The following GOT1L1 variants were observed in gnomAD, a reference collection of about 807,000 sequenced individuals.
The protein encoded by GOT1L1 is aspartate aminotransferase, cytoplasmic 2.
GOT1L1 carries 38 observed loss-of-function variants against 43.6 expected under a neutral mutation model. That is an observed-to-expected ratio of 0.87 (90% CI 0.67 to 1.14). The LOEUF (loss-of-function observed/expected upper bound fraction) is 1.14, where lower values mean the gene tolerates loss of function less well. Ranked by LOEUF, GOT1L1 falls within the 50% of genes most tolerant of loss-of-function variation. GOT1L1 has a pLI of 0.00. For missense variants in GOT1L1, 482 were observed against 504.0 expected, an observed-to-expected ratio of 0.96 and a Z score of 0.42; for synonymous variants, 183 against 187.2, an observed-to-expected ratio of 0.98 and a Z score of 0.18.
At position 37,936,961 on chromosome 8, in the gene GOT1L1, T is replaced by C; in HGVS notation, c.612+4A>G. Reference sequence around the variant, plus strand: ...AGGAAGGTCGGGTGGGAGATTGGGTTTACCTTTATCATGGACATCAACTTT... The same window carrying C: ...AGGAAGGTCGGGTGGGAGATTGGGTCTACCTTTATCATGGACATCAACTTT... On this transcript the variant is annotated splice_donor_region_variant and intron_variant, in intron 5 of 8. Coordinates refer to ENST00000307599, the MANE Select transcript of GOT1L1 (RefSeq NM_152413.3). The C allele has an allele frequency of 6.2e-7, 1 of 1,613,694 alleles. No individual in the cohort carries two copies. Among genetic ancestry groups the C allele is most frequent in the Non-Finnish European group, 8.5e-7 (1 of 1,179,696 alleles).
chr8:37,939,431 A>AAAAAAAAATATATATAT (rs1237987679), intron 1 of GOT1L1, among the ~76,000 whole-genome samples: 1 of 41,696 alleles, frequency 2.4e-5, no homozygotes, highest in African/African-American at 8.6e-5. Flanking sequence ...AAAAAAAAAA[A>AAAAAAAAATATATATAT]ATATATATAT....
chr8:37,936,671 G>A (rs374339024), intron 6 of GOT1L1, 49 bp downstream of exon 6: 51 of 1,510,532 alleles, frequency 3.4e-5, no homozygotes, highest in Middle Eastern at 1.7e-4. Context: ...TGCTGTGAGC[G>A]CAGCACCACT....
At chr8:37,939,729 G>GAGAGC (rs1402702803) in intron 1 of GOT1L1, among the ~76,000 whole-genome samples, 186 bp downstream of exon 1, 1 of 151,980 alleles carries the variant, frequency 6.6e-6, no homozygotes, top group Non-Finnish European at 1.5e-5. Flanking sequence ...GAGAAGGGCA[G>GAGAGC]AGAGCATGGA....
chr8:37,935,067 C>G lies in GOT1L1; in HGVS notation c.1072+6G>C. 1 of 1,613,842 alleles carries G rather than the reference C, an allele frequency of 6.2e-7. No homozygotes were observed. The highest frequency in any genetic ancestry group is 8.5e-7 in the Non-Finnish European group (1 of 1,179,812). ...AAGGGGGGACACCAGCCCCCTAGAC[C>G]CTTACAGTTGAGTCCAAGATAGCCG... On this transcript the variant is annotated splice_donor_region_variant and intron_variant, in intron 8 of 8. Coordinates refer to ENST00000307599, the MANE Select transcript of GOT1L1 (RefSeq NM_152413.3).
Position 37,936,814 on chromosome 8 carries a change from G to A in GOT1L1, c.669C>T (p.Asp223=), listed in dbSNP as rs1807769599. The change falls in exon 6 of 9, where the codon GAC becomes GAT. Residue 223 remains aspartate, a synonymous_variant. Coordinates refer to ENST00000307599, the MANE Select transcript of GOT1L1 (RefSeq NM_152413.3). ...DIPCQGLYTS[D]LEEDTRILQY... ...GTAAGATTCTAGTATCTTCTTCCAA[G>A]TCACTGGTGTATAAACCTTGACAGG... 6.2e-7 allele frequency: 1 copy of A among 1,611,808 alleles called. No individual in the cohort carries two copies. The highest frequency in any genetic ancestry group is 8.5e-7 in the Non-Finnish European group (1 of 1,178,124).
intron 3 of GOT1L1, 70 bp from the exon 4 acceptor site, chr8:37,937,456 G>A: frequency 8.9e-7 from 1 of 1,126,140 alleles, no homozygotes; most frequent in East Asian, 2.5e-5. Context: ...GTACTGGAGT[G>A]TGGGGCTGAG....
Position 37,940,089 on chromosome 8 carries a change from C to A in GOT1L1, c.-60G>T. On this transcript the variant is annotated 5_prime_UTR_variant, in exon 1 of 9. Coordinates refer to ENST00000307599, the MANE Select transcript of GOT1L1 (RefSeq NM_152413.3). Reference sequence around the variant, plus strand: ...TCTGCTCCTGTGTTCCGCTTCTGCCCAGAAGTCTTCCTCCAAGGCTGGGCC... The same window carrying A: ...TCTGCTCCTGTGTTCCGCTTCTGCCAAGAAGTCTTCCTCCAAGGCTGGGCC... 1 of 1,541,618 alleles carries A rather than the reference C, an allele frequency of 6.5e-7. No individual in the cohort carries two copies. Among genetic ancestry groups the A allele is most frequent in the South Asian group, 1.2e-5 (1 of 81,492 alleles).
intron 7 of GOT1L1, 73 bp downstream of exon 7, chr8:37,935,631 A>G (rs1807725202): frequency 7.3e-7 from 1 of 1,361,932 alleles, no homozygotes; most frequent in East Asian, 2.6e-5. Flanking sequence ...ACCCTGCCGA[A>G]TCCTGCAGAT....
In GOT1L1 at chr8:37,940,008, T is replaced by C; in HGVS notation, c.22A>G (p.Met8Val). MPTLSVF[M>V]DVPLAHKLEG... Reference sequence around the variant, plus strand: ...AGCTTGTGGGCGAGGGGCACATCCATGAACACTGAAAGGGTGGGCATAACT... The same window carrying C: ...AGCTTGTGGGCGAGGGGCACATCCACGAACACTGAAAGGGTGGGCATAACT... Residue 8 changes from methionine to valine, a missense_variant, in exon 1 of 9, where the codon ATG becomes GTG. By Grantham distance (21) the Met-to-Val change is conservative. Coordinates refer to ENST00000307599, the MANE Select transcript of GOT1L1 (RefSeq NM_152413.3). 6.2e-7 allele frequency: 1 copy of C among 1,613,436 alleles called. No individual in the cohort carries two copies. Among genetic ancestry groups the C allele is most frequent in the Non-Finnish European group, 8.5e-7 (1 of 1,179,580 alleles).
intron 2 of GOT1L1, among the ~76,000 whole-genome samples, chr8:37,937,965 C>T (rs907144721): frequency 2.0e-5 from 3 of 152,114 alleles, no homozygotes; most frequent in Admixed American, 6.5e-5. Context: ...CACTTGAACC[C>T]GGAAGGCGGA....
chr8:37,936,600 A>G, intron 6 of GOT1L1, 120 bp downstream of exon 6: 4 of 865,526 alleles, frequency 4.6e-6, no homozygotes, highest in Non-Finnish European at 7.1e-6. Flanking sequence ...TTCTGCTTCT[A>G]TAGTGCTCTC....
intron 7 of GOT1L1, 105 bp from the exon 8 acceptor site, chr8:37,935,320 G>A: frequency 8.8e-7 from 1 of 1,141,814 alleles, no homozygotes; most frequent in Non-Finnish European, 1.2e-6. Context: ...CTCCAACAGA[G>A]TGCCAGAGGC....
At chr8:37,936,480 A>T (rs535365915) in intron 6 of GOT1L1, among the ~76,000 whole-genome samples, 1 of 151,904 alleles carries the variant, frequency 6.6e-6, no homozygotes, top group East Asian at 1.9e-4. Flanking sequence ...CTCTCATCTT[A>T]TAGTTGAGGA....
chr8:37,939,714 C>T (rs1384930985), intron 1 of GOT1L1, among the ~76,000 whole-genome samples: 1 of 151,780 alleles, frequency 6.6e-6, no homozygotes, highest in Non-Finnish European at 1.5e-5. Context: ...CCCTAGAAGC[C>T]CCCAGAGAAG....
In GOT1L1 at chr8:37,937,034, A is replaced by G. The variant is rs772605647; in HGVS notation, c.543T>C (p.Leu181=). 1 of 1,613,824 alleles carries G rather than the reference A, an allele frequency of 6.2e-7. No individual in the cohort carries two copies. Among genetic ancestry groups the G allele is most frequent in the African/African-American group, 1.3e-5 (1 of 74,922 alleles). ...TGCAGTCGATAATGTTCCCCATCAC[A>G]AGGACACAGCCATGTGGGATCTGCT... ...VVEQIPHGCV[L]VMGNIIDCKL... is the part of the protein sequence containing the mutation. Residue 181 remains leucine (L), a synonymous_variant, in exon 5 of 9, where the codon CTT becomes CTC. Transcript: ENST00000307599.
At chr8:37,934,977 G>T in intron 8 of GOT1L1, 96 bp downstream of exon 8, 2 of 1,360,918 alleles carry the variant, frequency 1.5e-6, no homozygotes, top group Non-Finnish European at 2.0e-6. Flanking sequence ...AAAATCTGGA[G>T]TGAAGCTAGG....
chr8:37,937,918 G>A (rs1036328848), intron 2 of GOT1L1, among the ~76,000 whole-genome samples, 169 bp from the exon 3 acceptor site: 1 of 152,156 alleles, frequency 6.6e-6, no homozygotes, highest in Non-Finnish European at 1.5e-5. Context: ...TTGGGCATGT[G>A]TAATCCCCGC....
At position 37,934,466 on chromosome 8, in the gene GOT1L1, C is replaced by T. The variant is rs372959384; in HGVS notation, c.1093G>A (p.Val365Ile). The change falls in exon 9 of 9, where the codon GTC (valine) becomes ATC (isoleucine). Residue 365 changes from valine (V) to isoleucine (I), a missense_variant. By Grantham distance (29) the Val-to-Ile change is conservative. Coordinates refer to ENST00000307599, the MANE Select transcript of GOT1L1 (RefSeq NM_152413.3). ...GLNSQQVEYLVRKKHIYIPKN... is the reference protein window; with the variant it reads ...GLNSQQVEYLIRKKHIYIPKN... The stretch of plus-strand genomic sequence containing the variant: ...GGGATATAGATGTGCTTCTTCCTGA[C>T]CAGGTATTCCACCTGCTGGGCTAAA... 92 of 1,613,268 alleles carry T rather than the reference C, an allele frequency of 5.7e-5. No homozygotes were observed. Among genetic ancestry groups the T allele is most frequent in the Middle Eastern group, 1.6e-4 (1 of 6,082 alleles).
Position 37,937,764 on chromosome 8 carries a change from T to C in GOT1L1, c.298-15A>G. Reference sequence around the variant, plus strand: ...ACACCCCCTACCTGCCAGCAAGACATAGACACAAATAGGCCAGGTGTGGTG... The same window carrying C: ...ACACCCCCTACCTGCCAGCAAGACACAGACACAAATAGGCCAGGTGTGGTG... On this transcript the variant is annotated splice_polypyrimidine_tract_variant and intron_variant, in intron 2 of 8. Transcript: ENST00000307599. The C allele has an allele frequency of 6.4e-7, 1 of 1,566,748 alleles. No homozygotes were observed. The highest frequency in any genetic ancestry group is 1.1e-5 in the South Asian group (1 of 88,696).
Sources: gnomAD v4.1 joint callset for allele counts (sites outside exome capture counted in the v4.1 genomes callset) on GRCh38, gnomAD v4.1.1 for gene constraint, MANE v1.5 for transcripts, NCBI Gene and HGNC (gene_info 2026-07-23, HGNC 2026-07-21) for gene names.